The following TMEM132D variants were observed in gnomAD, a reference collection of about 807,000 sequenced individuals.
TMEM132D encodes the protein transmembrane protein 132D.
TMEM132D carries 21 observed loss-of-function variants against 62.3 expected under a neutral mutation model. That is an observed-to-expected ratio of 0.34 (90% CI 0.24 to 0.49). The LOEUF (loss-of-function observed/expected upper bound fraction) is 0.49. Ranked by LOEUF, TMEM132D falls within the 20% of genes least tolerant of loss-of-function variation. The pLI, the probability that TMEM132D is intolerant of heterozygous loss-of-function variation, is 0.99. For synonymous variants in TMEM132D, 621 were observed against 575.6 expected, an observed-to-expected ratio of 1.08 and a Z score of -1.13; for missense variants, 1,346 against 1,402.8, an observed-to-expected ratio of 0.96 and a Z score of 0.65.
intron 3 of TMEM132D, among the ~76,000 whole-genome samples, chr12:129,443,931 TTCTTAAGAATAAAG>T (rs1387332012): frequency 6.6e-6 from 1 of 152,208 alleles, no homozygotes; most frequent in African/African-American, 2.4e-5. Flanking sequence ...AAGATTTGCT[TTCTTAAGAATAAAG>T]GTACAATAAG....
At chr12:129,198,624 G>A (rs1878609252) in intron 5 of TMEM132D, among the ~76,000 whole-genome samples, 1 of 152,170 alleles carries the variant, frequency 6.6e-6, no homozygotes, top group South Asian at 2.1e-4. Flanking sequence ...TGTCATCAAA[G>A]CACAGAGTAA....
At chr12:129,603,324 G>A (rs1176372561) in intron 2 of TMEM132D, among the ~76,000 whole-genome samples, 1 of 152,074 alleles carries the variant, frequency 6.6e-6, no homozygotes, top group African/African-American at 2.4e-5. Context: ...CCCAATTCCT[G>A]GAAACCACTG....
intron 1 of TMEM132D, among the ~76,000 whole-genome samples, chr12:129,713,293 G>C (rs1305500966): frequency 6.6e-6 from 1 of 152,102 alleles, no homozygotes; most frequent in Non-Finnish European, 1.5e-5. Flanking sequence ...GTACAGAGTA[G>C]TATGTAAACA....
At chr12:129,107,175 TC>T (rs1294229310) in intron 5 of TMEM132D, among the ~76,000 whole-genome samples, 2 of 152,170 alleles carry the variant, frequency 1.3e-5, no homozygotes, top group Non-Finnish European at 2.9e-5. Context: ...GCACCAAATT[TC>T]TGAAACCATA....
chr12:129,112,541 T>C (rs1486677753), intron 5 of TMEM132D, among the ~76,000 whole-genome samples: 1 of 152,174 alleles, frequency 6.6e-6, no homozygotes. Context: ...CACATGCCTG[T>C]AATTCCAGCT....
intron 2 of TMEM132D, among the ~76,000 whole-genome samples, chr12:129,607,161 G>T: frequency 6.6e-6 from 1 of 151,956 alleles, no homozygotes; most frequent in Admixed American, 6.6e-5. Flanking sequence ...ACAGAATGTG[G>T]CAAAGCTGGT....
At chr12:129,140,608 A>G (rs1038122803) in intron 5 of TMEM132D, among the ~76,000 whole-genome samples, 2 of 152,084 alleles carry the variant, frequency 1.3e-5, no homozygotes, top group African/African-American at 4.8e-5. Context: ...GGAGGCTGAG[A>G]CGGGCGGATC....
intron 2 of TMEM132D, among the ~76,000 whole-genome samples, chr12:129,678,701 C>T (rs971803859): frequency 6.6e-6 from 1 of 151,944 alleles, no homozygotes; most frequent in Non-Finnish European, 1.5e-5. Flanking sequence ...AGTCTAAATC[C>T]TTTTCTCTCA....
intron 4 of TMEM132D, among the ~76,000 whole-genome samples, chr12:129,336,174 G>C (rs916532346): frequency 6.6e-6 from 1 of 152,214 alleles, no homozygotes; most frequent in Non-Finnish European, 1.5e-5. Flanking sequence ...TAGGGTGCCT[G>C]GGCAGGGAGC....
chr12:129,800,958 G>A (rs1486518822), intron 1 of TMEM132D, among the ~76,000 whole-genome samples: 9 of 152,128 alleles, frequency 5.9e-5, no homozygotes, highest in East Asian at 1.9e-4. Flanking sequence ...GGTGACAGAC[G>A]GCACCTGGAA....
intron 1 of TMEM132D, among the ~76,000 whole-genome samples, chr12:129,737,276 A>T (rs1481483574): frequency 1.3e-5 from 2 of 152,220 alleles, no homozygotes; most frequent in Non-Finnish European, 2.9e-5. Context: ...AAATGTCTCC[A>T]GGCATTGCCA....
intron 1 of TMEM132D, among the ~76,000 whole-genome samples, chr12:129,860,864 C>G (rs1873872274): frequency 6.6e-6 from 1 of 152,158 alleles, no homozygotes; most frequent in South Asian, 2.1e-4. Flanking sequence ...CATCTGATCT[C>G]ATGAGAACTT....
At chr12:129,890,624 A>G (rs571814167) in intron 1 of TMEM132D, among the ~76,000 whole-genome samples, 1 of 152,326 alleles carries the variant, frequency 6.6e-6, no homozygotes, top group South Asian at 2.1e-4. Flanking sequence ...ACGAAAGCCA[A>G]AAATGTCAGT....
At chr12:129,455,576 G>T (rs1873438681) in intron 3 of TMEM132D, among the ~76,000 whole-genome samples, 1 of 152,206 alleles carries the variant, frequency 6.6e-6, no homozygotes, top group African/African-American at 2.4e-5. Flanking sequence ...GCTGGGGAAG[G>T]CTTCTAAGGA....
At chr12:129,287,045 C>CA (rs35768966) in intron 4 of TMEM132D, among the ~76,000 whole-genome samples, 54,369 of 140,684 alleles carry the variant, frequency 0.39, 9,958 homozygotes, top group Admixed American at 0.44. Context: ...GAGACTCTGT[C>CA]AAAAAAAAAA....
intron 3 of TMEM132D, among the ~76,000 whole-genome samples, chr12:129,351,368 C>T (rs918312414): frequency 6.6e-6 from 1 of 152,192 alleles, no homozygotes; most frequent in African/African-American, 2.4e-5. Flanking sequence ...TATCCAGTTA[C>T]AAGTTAAAGC....
chr12:129,497,207 C>G (rs200002979), intron 3 of TMEM132D, among the ~76,000 whole-genome samples: 1 of 152,098 alleles, frequency 6.6e-6, no homozygotes, highest in African/African-American at 2.4e-5. Context: ...ACTTGGGAGG[C>G]TGAGGCAGGA....
chr12:129,760,425 G>A (rs1451265894), intron 1 of TMEM132D, among the ~76,000 whole-genome samples: 1 of 139,510 alleles, frequency 7.2e-6, no homozygotes, highest in Non-Finnish European at 1.5e-5. Flanking sequence ...TCCGCCTCCC[G>A]GGTTCACGCC....
intron 5 of TMEM132D, among the ~76,000 whole-genome samples, chr12:129,092,055 A>G (rs554422987): frequency 1.3e-4 from 20 of 152,366 alleles, no homozygotes; most frequent in Admixed American, 1.2e-3. Context: ...CCACATTACA[A>G]TGCTGATGGT....
Sources: gnomAD v4.1 joint callset for allele counts (sites outside exome capture counted in the v4.1 genomes callset) on GRCh38, gnomAD v4.1.1 for gene constraint, MANE v1.5 for transcripts, NCBI Gene and HGNC (gene_info 2026-07-23, HGNC 2026-07-21) for gene names.